Variants in SORL1 observed in about 807,000 individuals in gnomAD.
SORL1 encodes sortilin-related receptor.
Under a neutral mutation model 273.7 loss-of-function variants are expected in SORL1, and 127 were observed. The observed-to-expected ratio is 0.46, with a 90% CI of 0.40 to 0.54. The LOEUF (loss-of-function observed/expected upper bound fraction) is 0.54. SORL1 is among the 20% of genes least tolerant of loss of function. The probability of loss-of-function intolerance (pLI) is 0.00; values close to 1 mark genes in which losing one functional copy is unlikely to be tolerated. For synonymous variants in SORL1, 1,031 were observed against 1,067.4 expected (o/e 0.97, Z 0.66); for missense variants, 2,494 against 2,846.1 (o/e 0.88, Z 2.81).
intron 11 of SORL1, among the ~76,000 whole-genome samples, chr11:121,527,573 CT>C (rs1862142159): frequency 1.3e-5 from 2 of 151,962 alleles, no homozygotes; most frequent in South Asian, 4.1e-4. Context: ...GTTATTTTTT[CT>C]TGAGTAATTC....
At position 121,606,827 on chromosome 11, in the gene SORL1, A is replaced by T; in HGVS notation, c.4949-18A>T. The T allele has an allele frequency of 6.3e-7, 1 of 1,575,872 alleles. No homozygotes were observed. The highest frequency in any genetic ancestry group is 8.7e-7 in the Non-Finnish European group (1 of 1,152,312). On this transcript the variant is annotated intron_variant, in intron 35 of 47. Transcript: ENST00000260197. ...GCTATGCAGATGGGTTTTAACCTTG[A>T]GTTGACTCTTTTTCTAGTGCCAGAT... is the stretch of plus-strand genomic sequence containing the variant.
At chr11:121,615,196 C>G in intron 41 of SORL1, 141 bp downstream of exon 41, 1 of 646,712 alleles carries the variant, frequency 1.5e-6, no homozygotes, top group Non-Finnish European at 2.5e-6. Context: ...TTTCTTTTTC[C>G]TTTGTTTTCA....
intron 12 of SORL1, among the ~76,000 whole-genome samples, chr11:121,543,269 A>G (rs1191413558): frequency 6.6e-6 from 1 of 151,760 alleles, no homozygotes; most frequent in Non-Finnish European, 1.5e-5. Context: ...CCCATGTCCT[A>G]TTTTCATTCA....
intron 32 of SORL1, among the ~76,000 whole-genome samples, chr11:121,597,579 A>G (rs1020465298): frequency 6.6e-6 from 1 of 151,666 alleles, no homozygotes; most frequent in African/African-American, 2.4e-5. Context: ...CTCTTGCCTC[A>G]GCCTCCCGAG....
chr11:121,587,911 A>T, intron 27 of SORL1, 109 bp from the exon 28 acceptor site: 1 of 1,326,086 alleles, frequency 7.5e-7, no homozygotes, highest in Non-Finnish European at 1.1e-6. Context: ...TGTGGCTTTT[A>T]CTGTTGCTTC....
At chr11:121,556,991 G>C (rs1591325812) in intron 18 of SORL1, 2 of 306,324 alleles carry the variant, frequency 6.5e-6, no homozygotes, top group East Asian at 1.3e-4. Context: ...GGTGAAATAA[G>C]TAAATGCTCA....
intron 2 of SORL1, among the ~76,000 whole-genome samples, chr11:121,474,010 C>A (rs993683184): frequency 6.6e-6 from 1 of 152,218 alleles, no homozygotes; most frequent in Admixed American, 6.5e-5. Context: ...TCAGGACTGA[C>A]TGGGGAGCAG....
chr11:121,577,162 C>A, intron 24 of SORL1, 119 bp from the exon 25 acceptor site: 1 of 1,330,274 alleles, frequency 7.5e-7, no homozygotes. Flanking sequence ...CGTTCATGGT[C>A]TCTGTGGATC....
chr11:121,625,221 T>G lies in SORL1; in HGVS notation c.6308T>G (p.Phe2103Cys). The change falls in exon 46 of 48, where the codon TTT becomes TGT. Residue 2103 changes from phenylalanine to cysteine, a missense_variant. Coordinates refer to ENST00000260197, the MANE Select transcript of SORL1 (RefSeq NM_003105.6). The stretch of plus-strand genomic sequence containing the variant: ...TTCACCGTCCAAGCAAGATGCCTTT[T>G]TGGCAACCAGATCTGTGGGGAGCCT... ...YTFTVQARCL[F>C]GNQICGEPAI... The G allele has an allele frequency of 6.2e-7, 1 of 1,614,186 alleles. No individual in the cohort carries two copies. Among genetic ancestry groups the G allele is most frequent in the Non-Finnish European group, 8.5e-7 (1 of 1,180,028 alleles).
chr11:121,605,506 A>G lies in SORL1; in HGVS notation c.4883A>G (p.Gln1628Arg). The G allele has an allele frequency of 1.2e-6, 2 of 1,614,196 alleles. No individual in the cohort carries two copies. Among genetic ancestry groups the G allele is most frequent in the Non-Finnish European group, 1.7e-6 (2 of 1,180,006 alleles). Residue 1628 changes from glutamine to arginine, a missense_variant, in exon 35 of 48, where the codon CAG becomes CGG. Transcript: ENST00000260197. ...GATACCACGTATCAGGTTAAAGTAC[A>G]GGTTCAGTGTCTCAGCAAGGCACAC... ...KPDTTYQVKV[Q>R]VQCLSKAHNT... is the part of the protein sequence containing the mutation.
intron 12 of SORL1, among the ~76,000 whole-genome samples, chr11:121,541,732 G>A (rs548292383): frequency 1.6e-4 from 24 of 152,278 alleles, no homozygotes; most frequent in African/African-American, 5.3e-4. Context: ...CATGTCAAGC[G>A]TCTCACCAGC....
At chr11:121,605,611 T>A (rs1188912183) in intron 35 of SORL1, 40 bp downstream of exon 35, 23 of 1,564,492 alleles carry the variant, frequency 1.5e-5, no homozygotes, top group Non-Finnish European at 2.0e-5. Context: ...GGGTAAGACC[T>A]CAGGTCGGGG....
chr11:121,537,016 C>T (rs1406923399), intron 12 of SORL1, among the ~76,000 whole-genome samples: 1 of 152,056 alleles, frequency 6.6e-6, no homozygotes, highest in Admixed American at 6.6e-5. Flanking sequence ...AGAGGAAACC[C>T]CAGCTGAACC....
At chr11:121,553,835 T>C (rs139944477) in intron 16 of SORL1, 102 bp from the exon 17 acceptor site, 558 of 1,142,764 alleles carry the variant, frequency 4.9e-4, no homozygotes, top group Non-Finnish European at 6.5e-4. Context: ...CACATGCCAA[T>C]GAATTTGAGG....
chr11:121,543,095 G>T (rs937968747), intron 12 of SORL1, among the ~76,000 whole-genome samples: 1 of 151,004 alleles, frequency 6.6e-6, no homozygotes, highest in Non-Finnish European at 1.5e-5. Context: ...GGAGGCTGAG[G>T]CAGGAGAATG....
In SORL1 at chr11:121,631,366, A is replaced by G. The variant is rs370511631; in HGVS notation, c.*1803A>G. The G allele has an allele frequency of 8.9e-6, 1 of 112,906 alleles. No individual in the cohort carries two copies. The highest frequency in any genetic ancestry group is 2.1e-5 in the Non-Finnish European group (1 of 47,548). The allele number at this position is 112,906 out of a possible 1,614,324, so 7.0% of individuals were successfully genotyped here. On this transcript the variant is annotated 3_prime_UTR_variant, in exon 48 of 48. Transcript: ENST00000260197. ...TTCTCTTCTTTCCTGTCACTTTCCT[A>G]AGTTTTTTTTTTTAAAGACTGGAAT...
Position 121,604,211 on chromosome 11 carries a change from C to A in SORL1, c.4538C>A (p.Thr1513Asn), listed in dbSNP as rs755783931. 6.2e-7 allele frequency: 1 copy of A among 1,614,172 alleles called. No homozygotes were observed. Reference sequence around the variant, plus strand: ...GTTTCAGCCACACACAGCACCTTGACTTGCATGAGCAGGGAGTTCCAGTGC... The same window carrying A: ...GTTTCAGCCACACACAGCACCTTGAATTGCATGAGCAGGGAGTTCCAGTGC... ...EANCPTHSTLTCMSREFQCED... is the reference protein window; with the variant it reads ...EANCPTHSTLNCMSREFQCED... Residue 1513 changes from threonine (T) to asparagine (N), a missense_variant, in exon 33 of 48, where the codon ACT becomes AAT. Around this residue, in one of 3 missense-constraint regions of SORL1, gnomAD observed 1,609 missense variants for 1,816.4 expected, o/e 0.89. Transcript: ENST00000260197.
rs774226936 is a variant in SORL1 at position 121,552,784 on chromosome 11, G to A, written c.2267-1153G>A. Among the ~76,000 whole-genome samples, 117 of 152,212 alleles carry A rather than the reference G, an allele frequency of 7.7e-4. 3 individuals are homozygous for A. Among genetic ancestry groups the A allele is most frequent in the Non-Finnish European group, 5.6e-4 (38 of 68,030 alleles). On this transcript the variant is annotated intron_variant, in intron 16 of 47. Coordinates refer to ENST00000260197, the MANE Select transcript of SORL1 (RefSeq NM_003105.6). ...TGAGTGGTACATGTTAAGTCACTGA[G>A]TGTATGGAATCAGGAAGTGGGCAGG...
chr11:121,532,042 T>C (rs1191670892), intron 11 of SORL1, among the ~76,000 whole-genome samples: 54 of 152,348 alleles, frequency 3.5e-4, no homozygotes, highest in Admixed American at 3.5e-3. Context: ...TGGTAGTTGT[T>C]TTTTGTCCAG....
Sources: gnomAD v4.1 joint callset for allele counts (sites outside exome capture counted in the v4.1 genomes callset) on GRCh38, gnomAD v4.1.1 for gene constraint, gnomAD v4.1.1 regional missense constraint, MANE v1.5 for transcripts, NCBI Gene and HGNC (gene_info 2026-07-23, HGNC 2026-07-21) for gene names.